Variants in FGFR1 observed in about 807,000 individuals in gnomAD.
FGFR1 encodes the protein FGFR1/PLAG1 fusion.
Under a neutral mutation model 93.7 loss-of-function variants are expected in FGFR1, and 18 were observed. The ratio of observed to expected loss-of-function variants is 0.19; its 90% confidence interval spans 0.13 to 0.28. The LOEUF is 0.28. Among genes scored for constraint, FGFR1 ranks in the 10% least tolerant of loss-of-function variants. FGFR1 has a pLI of 1.00. For synonymous variants in FGFR1, 448 were observed against 429.3 expected (o/e 1.04, Z -0.54); for missense variants, 731 against 1,080.4 (o/e 0.68, Z 4.53).
rs1179698594 is a variant in FGFR1 at position 38,411,597 on chromosome 8, A to G, written c.*2031T>C. 2 of 228,590 alleles carry G rather than the reference A, an allele frequency of 8.7e-6. No homozygotes were observed. The highest frequency in any genetic ancestry group is 1.7e-5 in the Non-Finnish European group (2 of 115,138). 14.2% of individuals were successfully genotyped at this position (228,590 alleles called of 1,614,324 possible). ...CAGCAATCCCATTTTCCCTACAGAA[A>G]TGAAAACATATTGAACTTTCTTTTG... On this transcript the variant is annotated 3_prime_UTR_variant, in exon 18 of 18. Transcript: ENST00000447712.
intron 9 of FGFR1, 119 bp downstream of exon 9, chr8:38,419,414 T>C: frequency 3.2e-6 from 3 of 933,062 alleles, no homozygotes; most frequent in Non-Finnish European, 5.2e-6. Context: ...CCACTGTGCC[T>C]TGCCCAGAAG....
rs2150535194 is a variant in FGFR1 at position 38,414,246 on chromosome 8, C to T, written c.2092G>A (p.Gly698Ser). 3 of 1,614,136 alleles carry T rather than the reference C, an allele frequency of 1.9e-6. No homozygotes were observed. The highest frequency in any genetic ancestry group is 2.5e-6 in the Non-Finnish European group (3 of 1,180,028). ...VLLWEIFTLG[G>S]SPYPGVPVEE... ...ACAGGCACACCGGGGTATGGGGAGCCGCCCAGAGTGAAGATCTCCCACAGG... is the reference window on the plus strand; with the variant it reads ...ACAGGCACACCGGGGTATGGGGAGCTGCCCAGAGTGAAGATCTCCCACAGG... The change falls in exon 16 of 18, where the codon GGC (glycine) becomes AGC (serine). Residue 698 changes from glycine (G) to serine (S), a missense_variant. By Grantham distance (56) the Gly-to-Ser change is moderately conservative (BLOSUM62 0). Coordinates refer to ENST00000447712, the MANE Select transcript of FGFR1 (RefSeq NM_023110.3).
At chr8:38,443,791 C>T (rs560835748) in intron 2 of FGFR1, among the ~76,000 whole-genome samples, 7 of 152,004 alleles carry the variant, frequency 4.6e-5, no homozygotes, top group South Asian at 2.1e-4. Flanking sequence ...CGGTGGCTCA[C>T]GCCTGTAAAC....
intron 8 of FGFR1, among the ~76,000 whole-genome samples, chr8:38,421,011 C>T (rs553814298): frequency 3.9e-4 from 59 of 152,254 alleles, no homozygotes; most frequent in East Asian, 9.7e-4. Context: ...GAGACCCTGA[C>T]GGGCAAGCAG....
chr8:38,448,626 T>C (rs945475127), intron 2 of FGFR1, among the ~76,000 whole-genome samples: 9 of 152,290 alleles, frequency 5.9e-5, no homozygotes, highest in African/African-American at 1.9e-4. Context: ...AAACTCCACA[T>C]AATGTGAGGC....
Position 38,429,399 on chromosome 8 carries a change from G to GAAA in FGFR1, c.358+280_358+282dup. 1.4e-6 allele frequency: 1 copy of GAAA among 690,382 alleles called. No homozygotes were observed. Among genetic ancestry groups the GAAA allele is most frequent in the Non-Finnish European group, 2.7e-6 (1 of 373,208 alleles). 42.8% of individuals were successfully genotyped at this position (690,382 alleles called of 1,614,324 possible). On this transcript the variant is annotated intron_variant, in intron 3 of 17. Transcript: ENST00000447712. This position sits in a 1 kb window ranked among gnomAD's most constrained non-coding sequence, Gnocchi z 4.4. ...CTGGAGATCTGGGCAAGCTGTGGTG[G>GAAA]AAAAAAATCACAGGGTCTTAACATC...
Position 38,411,410 on chromosome 8 carries a change from A to T in FGFR1, c.*2218T>A, listed in dbSNP as rs145228103. 260 of 222,856 alleles carry T rather than the reference A, an allele frequency of 1.2e-3. 1 individual carries two copies. The highest frequency in any genetic ancestry group is 5.4e-3 in the African/African-American group (241 of 44,908). 13.8% of individuals were successfully genotyped at this position (222,856 alleles called of 1,614,324 possible). ...CTCAAAGCAAATGCTTTTAAGAGCTAAAAATTCATTTCCTAGTTCTGTTCA... is the reference window on the plus strand; with the variant it reads ...CTCAAAGCAAATGCTTTTAAGAGCTTAAAATTCATTTCCTAGTTCTGTTCA... On this transcript the variant is annotated 3_prime_UTR_variant, in exon 18 of 18. Coordinates refer to ENST00000447712, the MANE Select transcript of FGFR1 (RefSeq NM_023110.3).
chr8:38,449,334 A>G (rs1830358291), intron 2 of FGFR1, among the ~76,000 whole-genome samples: 1 of 152,182 alleles, frequency 6.6e-6, no homozygotes, highest in South Asian at 2.1e-4. Flanking sequence ...TAAAGTATAC[A>G]TTGTATTTAC....
At position 38,419,566 on chromosome 8, in the gene FGFR1, C is replaced by G. The variant is rs2150706041; in HGVS notation, c.1251G>C (p.Leu417=). ...GTCTGCGCAGAGGGATGCTCTTGGCCAGCTTGTGCACAGCCATCTGGCTGT... is the reference window on the plus strand; with the variant it reads ...GTCTGCGCAGAGGGATGCTCTTGGCGAGCTTGTGCACAGCCATCTGGCTGT... ...DFHSQMAVHK[L]AKSIPLRRQV... The change falls in exon 9 of 18, where the codon CTG becomes CTC. Residue 417 remains leucine (L), a synonymous_variant. Coordinates refer to ENST00000447712, the MANE Select transcript of FGFR1 (RefSeq NM_023110.3). 1 of 1,614,142 alleles carries G rather than the reference C, an allele frequency of 6.2e-7. No individual in the cohort carries two copies. The highest frequency in any genetic ancestry group is 1.1e-5 in the South Asian group (1 of 91,080).
chr8:38,435,932 AAACACTTGCTT>A (rs1825250652), intron 2 of FGFR1, among the ~76,000 whole-genome samples: 1 of 152,238 alleles, frequency 6.6e-6, no homozygotes, highest in African/African-American at 2.4e-5. Flanking sequence ...AGCAGCACCA[AAACACTTGCTT>A]TGTGCATCTG....
intron 1 of FGFR1, among the ~76,000 whole-genome samples, chr8:38,463,941 A>C (rs1226621602): frequency 6.6e-6 from 1 of 152,122 alleles, no homozygotes; most frequent in Non-Finnish European, 1.5e-5. Flanking sequence ...TAGTTGGTCC[A>C]ATGGAAATGC....
chr8:38,445,506 G>A (rs1285078183), intron 2 of FGFR1, among the ~76,000 whole-genome samples: 1 of 152,096 alleles, frequency 6.6e-6, no homozygotes, highest in Non-Finnish European at 1.5e-5. Context: ...ACTTTCAAGT[G>A]CATGTCAGGC....
chr8:38,466,240 C>T (rs955315146), intron 1 of FGFR1: 2 of 232,510 alleles, frequency 8.6e-6, no homozygotes, highest in East Asian at 1.2e-4. Context: ...CGGCCCTGCG[C>T]ACCGGGCTTG....
At chr8:38,414,538 C>G (rs2150547630) in intron 15 of FGFR1, 21 bp downstream of exon 15, 1 of 1,613,656 alleles carries the variant, frequency 6.2e-7, no homozygotes, top group Non-Finnish European at 8.5e-7. Flanking sequence ...ACCTCCCTGG[C>G]AATTGCTATT....
intron 2 of FGFR1, chr8:38,440,349 G>A (rs778168231): frequency 1.2e-5 from 20 of 1,601,616 alleles, no homozygotes; most frequent in East Asian, 1.1e-4. Flanking sequence ...GCATCTCACC[G>A]AAATCCCGGG....
At chr8:38,434,187 CT>C (rs1175935951) in intron 2 of FGFR1, among the ~76,000 whole-genome samples, 1 of 152,114 alleles carries the variant, frequency 6.6e-6, no homozygotes, top group Admixed American at 6.6e-5. Context: ...ATGTTTCTTT[CT>C]TTTTTAAAAA....
At chr8:38,463,039 G>C (rs1443358720) in intron 1 of FGFR1, 1 of 151,980 alleles carries the variant, frequency 6.6e-6, no homozygotes, top group African/African-American at 2.4e-5. Context: ...TGAATAGCCG[G>C]GACTACCAGT....
intron 9 of FGFR1, among the ~76,000 whole-genome samples, chr8:38,418,953 G>A (rs1817733115): frequency 6.6e-6 from 1 of 152,172 alleles, no homozygotes; most frequent in Admixed American, 6.5e-5. Flanking sequence ...GGTCTTCCCT[G>A]TGCTGTTCTT....
intron 2 of FGFR1, among the ~76,000 whole-genome samples, chr8:38,435,945 G>A (rs2411256): frequency 0.2 from 30,376 of 152,226 alleles, 3,407 homozygotes; most frequent in East Asian, 0.33. Context: ...CACTTGCTTT[G>A]TGCATCTGTT....
Sources: gnomAD v4.1 joint callset for allele counts (sites outside exome capture counted in the v4.1 genomes callset) on GRCh38, gnomAD v4.1.1 for gene constraint, Gnocchi (gnomAD v3.1) non-coding constraint, MANE v1.5 for transcripts, NCBI Gene and HGNC (gene_info 2026-07-23, HGNC 2026-07-21) for gene names.